The following MLXIP variants were observed in gnomAD, a reference collection of about 807,000 sequenced individuals.
MLXIP encodes the protein MLX-interacting protein.
In MLXIP, 30 loss-of-function variants were observed where a neutral mutation model predicts 87.2. That is an observed-to-expected ratio of 0.34 (90% CI 0.26 to 0.47). MLXIP has a LOEUF of 0.47. Among genes scored for constraint, MLXIP ranks in the 20% least tolerant of loss-of-function variants. The pLI, the probability that MLXIP is intolerant of heterozygous loss-of-function variation, is 1.00. For missense variants in MLXIP, 1,002 were observed against 1,240.1 expected, an observed-to-expected ratio of 0.81 and a Z score of 2.88; for synonymous variants, 530 against 514.0, an observed-to-expected ratio of 1.03 and a Z score of -0.42.
chr12:122,132,202 A>T, intron 7 of MLXIP, 90 bp from the exon 8 acceptor site: 2 of 992,330 alleles, frequency 2.0e-6, no homozygotes, highest in Non-Finnish European at 3.1e-6. Flanking sequence ...GATTACAGGC[A>T]TGAGCCACCG....
intron 1 of MLXIP, among the ~76,000 whole-genome samples, chr12:122,091,960 T>C (rs2135905933): frequency 6.6e-6 from 1 of 152,368 alleles, no homozygotes; most frequent in East Asian, 1.9e-4. Flanking sequence ...GAGTTTAATC[T>C]AGATTGAATC....
rs1489508375 is a variant in MLXIP at position 122,138,895 on chromosome 12, A to C, written c.2465A>C (p.Glu822Ala). ...GATCACATGAAAGACATGTTTGACG[A>C]ATACGTGAAAACCCGGACCTTGCAG... ...QFDHMKDMFD[E>A]YVKTRTLQNW... is the part of the protein sequence containing the mutation. Residue 822 changes from glutamate to alanine, a missense_variant, in exon 15 of 17, where the codon GAA becomes GCA. Physicochemically the swap from Glu to Ala is moderately radical, Grantham distance 107. Transcript: ENST00000319080. The C allele has an allele frequency of 6.2e-7, 1 of 1,614,060 alleles. No individual in the cohort carries two copies. Among genetic ancestry groups the C allele is most frequent in the Admixed American group, 1.7e-5 (1 of 60,034 alleles).
chr12:122,107,735 C>T (rs1225911320), intron 1 of MLXIP, among the ~76,000 whole-genome samples: 3 of 152,152 alleles, frequency 2.0e-5, no homozygotes, highest in African/African-American at 4.8e-5. Flanking sequence ...TCTCCCGGCT[C>T]TCCTGTGGCT....
At chr12:122,114,849 G>A (rs1034740937) in intron 1 of MLXIP, among the ~76,000 whole-genome samples, 2 of 150,798 alleles carry the variant, frequency 1.3e-5, no homozygotes, top group Admixed American at 6.7e-5. Flanking sequence ...GGGTTCAAGC[G>A]ATTCTCCTGC....
chr12:122,133,551 C>T lies in MLXIP; in HGVS notation c.1296C>T (p.Phe432=), dbSNP rs1953020972. Residue 432 remains phenylalanine (F), a synonymous_variant, in exon 9 of 17, where the codon TTC becomes TTT. Coordinates refer to ENST00000319080, the MANE Select transcript of MLXIP (RefSeq NM_014938.6). The surrounding 1 kb of genome is among the most constrained non-coding windows in gnomAD (Gnocchi z 4.9). The stretch of plus-strand genomic sequence containing the variant: ...TCCCGCAGCCCTTCCTCCCTGTCTT[C>T]ACCATGCCCCTGCTGTCTCCCAGCC... ...LSVPQPFLPV[F]TMPLLSPSPA... The T allele has an allele frequency of 1.2e-6, 2 of 1,607,664 alleles. No individual in the cohort carries two copies. The highest frequency in any genetic ancestry group is 8.5e-7 in the Non-Finnish European group (1 of 1,177,182).
chr12:122,113,849 T>A (rs1952644209), intron 1 of MLXIP, among the ~76,000 whole-genome samples: 1 of 151,866 alleles, frequency 6.6e-6, no homozygotes, highest in Admixed American at 6.6e-5. Context: ...CATGCCTGGC[T>A]AACTTTTTTG....
At chr12:122,141,604 C>T in intron 16 of MLXIP, 87 bp from the exon 17 acceptor site, 1 of 1,555,072 alleles carries the variant, frequency 6.4e-7, no homozygotes, top group Non-Finnish European at 8.7e-7. Context: ...CCTGAGCATT[C>T]CCACATGGGT....
chr12:122,134,123 A>G, intron 9 of MLXIP, 136 bp downstream of exon 9: 1 of 1,021,318 alleles, frequency 9.8e-7, no homozygotes. Flanking sequence ...ATACACTTAA[A>G]TGAAACAAAA....
rs1169571988 is a variant in MLXIP, at chr12:122,143,857, T to G, written c.*2045T>G. 1.3e-5 allele frequency: 2 copies of G among 152,522 alleles called. No homozygotes were observed. The highest frequency in any genetic ancestry group is 2.9e-5 in the Non-Finnish European group (2 of 68,056). 9.4% of individuals were successfully genotyped at this position (152,522 alleles called of 1,614,324 possible). A position where few individuals can be genotyped will look rare whatever the true frequency, so the allele number is the denominator to read the frequency against. ...GCTGACTTAATGTCGTGATTCTGTTTCTTCAGATATTTAAGGCTGTTAGGT... is the reference window on the plus strand; with the variant it reads ...GCTGACTTAATGTCGTGATTCTGTTGCTTCAGATATTTAAGGCTGTTAGGT... On this transcript the variant is annotated 3_prime_UTR_variant, in exon 17 of 17. Transcript: ENST00000319080.
At position 122,078,937 on chromosome 12, in the gene MLXIP, G is replaced by GGAC; in HGVS notation, c.94_96dup (p.Asp32dup). 8.9e-7 allele frequency: 1 copy of GGAC among 1,121,924 alleles called. No individual in the cohort carries two copies. The highest frequency in any genetic ancestry group is 1.1e-6 in the Non-Finnish European group (1 of 912,366). The allele number at this position is 1,121,924 out of a possible 1,614,324, so 69.5% of individuals were successfully genotyped here. A position where few individuals can be genotyped will look rare whatever the true frequency, so the allele number is the denominator to read the frequency against. On this transcript the variant is annotated inframe_insertion, in exon 1 of 17. Coordinates refer to ENST00000319080, the MANE Select transcript of MLXIP (RefSeq NM_014938.6). ...TGCTGCTCAAGCCCCAGGTGTCCGAGGACGACGACGACTCGGACACGGATG... is the reference window on the plus strand; with the variant it reads ...TGCTGCTCAAGCCCCAGGTGTCCGAGGACGACGACGACGACTCGGACACGGATG...
chr12:122,146,467 G>A lies in MLXIP; in HGVS notation c.*4655G>A, dbSNP rs1565996165. 6.6e-6 allele frequency: 1 copy of A among 152,540 alleles called. No homozygotes were observed. The highest frequency in any genetic ancestry group is 1.9e-4 in the East Asian group (1 of 5,184). The allele number at this position is 152,540 out of a possible 1,614,324, so 9.4% of individuals were successfully genotyped here. ...GCCTGTACCAGGGCTGGCCTCCAGA[G>A]CGGGTGAGGACAGAGCAGCTGTGGG... On this transcript the variant is annotated 3_prime_UTR_variant, in exon 17 of 17. Coordinates refer to ENST00000319080, the MANE Select transcript of MLXIP (RefSeq NM_014938.6).
rs983511607 is a variant in MLXIP, at chr12:122,078,778, G to C, written c.-76G>C. 57 of 1,018,188 alleles carry C rather than the reference G, an allele frequency of 5.6e-5. No individual in the cohort carries two copies. In the African/African-American group the frequency reaches 1.0e-3, roughly 18 times the overall value. 63.1% of individuals were successfully genotyped at this position (1,018,188 alleles called of 1,614,324 possible). A position where few individuals can be genotyped will look rare whatever the true frequency, so the allele number is the denominator to read the frequency against. On this transcript the variant is annotated 5_prime_UTR_variant, in exon 1 of 17. Transcript: ENST00000319080. ...GACAGTCGGCGCGCGGGCCGGGCCG[G>C]GCCGGCGCCCCTCTGCCTCGCGCGC... is the stretch of plus-strand genomic sequence containing the variant.
At chr12:122,125,703 ACTC>A (rs1330352960) in intron 1 of MLXIP, among the ~76,000 whole-genome samples, 4 of 152,038 alleles carry the variant, frequency 2.6e-5, no homozygotes, top group Admixed American at 6.6e-5. Context: ...GTGTGTGACT[ACTC>A]TGAGTCCCTG....
At chr12:122,093,655 TG>T (rs1952287525) in intron 1 of MLXIP, among the ~76,000 whole-genome samples, 1 of 127,900 alleles carries the variant, frequency 7.8e-6, no homozygotes, top group Non-Finnish European at 1.6e-5. Context: ...TTGGTGTGTG[TG>T]TTGATATGTG....
In MLXIP at chr12:122,145,725, G is replaced by GGT. The variant is rs1953289717; in HGVS notation, c.*3917_*3918dup. The GGT allele has an allele frequency of 6.6e-6, 1 of 152,382 alleles. No homozygotes were observed. 9.4% of individuals were successfully genotyped at this position (152,382 alleles called of 1,614,324 possible). A position where few individuals can be genotyped will look rare whatever the true frequency, so the allele number is the denominator to read the frequency against. The stretch of plus-strand genomic sequence containing the variant: ...GTACGTTAGGCTCTCAGAACTCATG[G>GGT]GTGTGGAGCTGGGCCTGTCCCGGGC... On this transcript the variant is annotated 3_prime_UTR_variant, in exon 17 of 17. Coordinates refer to ENST00000319080, the MANE Select transcript of MLXIP (RefSeq NM_014938.6).
At position 122,078,955 on chromosome 12, in the gene MLXIP, C is replaced by T; in HGVS notation, c.102C>T (p.Asp34=). 9.0e-7 allele frequency: 1 copy of T among 1,105,238 alleles called. No individual in the cohort carries two copies. Among genetic ancestry groups the T allele is most frequent in the Non-Finnish European group, 1.1e-6 (1 of 901,772 alleles). The allele number at this position is 1,105,238 out of a possible 1,614,324, so 68.5% of individuals were successfully genotyped here. The change falls in exon 1 of 17, where the codon GAC becomes GAT. Residue 34 remains aspartate, a synonymous_variant. Coordinates refer to ENST00000319080, the MANE Select transcript of MLXIP (RefSeq NM_014938.6). The part of the protein sequence containing the change: ...PQVSEDDDDS[D]TDEPSPPPAS... ...TGTCCGAGGACGACGACGACTCGGA[C>T]ACGGATGAGCCGTCCCCGCCGCCCG...
At chr12:122,101,219 A>G (rs1374059276) in intron 1 of MLXIP, among the ~76,000 whole-genome samples, 2 of 152,126 alleles carry the variant, frequency 1.3e-5, no homozygotes, top group African/African-American at 4.8e-5. Flanking sequence ...CCCTCATCAC[A>G]TAGAGGTGTA....
At chr12:122,094,191 GT>G in intron 1 of MLXIP, among the ~76,000 whole-genome samples, 1 of 103,164 alleles carries the variant, frequency 9.7e-6, no homozygotes, top group South Asian at 3.4e-4. Context: ...GGTGTGTGTT[GT>G]GTGTGTTGGT....
intron 1 of MLXIP, among the ~76,000 whole-genome samples, chr12:122,125,142 G>A (rs1162058051): frequency 6.6e-6 from 1 of 152,174 alleles, no homozygotes; most frequent in Non-Finnish European, 1.5e-5. Context: ...CTCCAGCCTG[G>A]GCAACAAGAG....
Sources: allele counts gnomAD v4.1 joint callset (sites outside exome capture counted in the v4.1 genomes callset), GRCh38; gene constraint gnomAD v4.1.1; non-coding constraint Gnocchi (gnomAD v3.1); transcripts MANE v1.5; gene names NCBI Gene and HGNC (gene_info 2026-07-23, HGNC 2026-07-21).